FZD3: variants seen among roughly 807,000 people sequenced by gnomAD.
The protein encoded by FZD3 is frizzled-3.
In FZD3, 30 loss-of-function variants were observed where a neutral mutation model predicts 60.7. The ratio of observed to expected loss-of-function variants is 0.49; its 90% CI spans 0.37 to 0.67. FZD3 has a LOEUF of 0.67. Among genes scored for constraint, FZD3 ranks in the 30% least tolerant of loss-of-function variants. The pLI is 0.00. For missense variants in FZD3, 605 were observed against 838.7 expected, an observed-to-expected ratio of 0.72 and a Z score of 3.44; for synonymous variants, 246 against 275.2, an observed-to-expected ratio of 0.89 and a Z score of 1.05.
intron 3 of FZD3, among the ~76,000 whole-genome samples, chr8:28,511,939 C>T (rs1478379490): frequency 6.6e-6 from 1 of 152,134 alleles, no homozygotes; most frequent in Non-Finnish European, 1.5e-5. Context: ...AATTCATGAA[C>T]TTTATAAACC....
intron 5 of FZD3, chr8:28,530,325 C>T (rs1476613931): frequency 6.6e-6 from 1 of 152,024 alleles, no homozygotes; most frequent in Non-Finnish European, 1.5e-5. Context: ...TGCTTCAGTT[C>T]CTCATAGTAT....
At chr8:28,508,742 C>G (rs1360768738) in intron 3 of FZD3, among the ~76,000 whole-genome samples, 3 of 152,074 alleles carry the variant, frequency 2.0e-5, no homozygotes, top group African/African-American at 4.8e-5. Context: ...CAAGTTGAGT[C>G]TCAAACTTTT....
chr8:28,520,022 C>T (rs915636696), intron 3 of FZD3, among the ~76,000 whole-genome samples: 32 of 151,814 alleles, frequency 2.1e-4, no homozygotes, highest in Admixed American at 2.0e-3. Context: ...GCAGCCTGGC[C>T]AACATGGGGA....
At chr8:28,551,498 A>G in intron 5 of FZD3, 105 bp from the exon 6 acceptor site, 2 of 867,960 alleles carry the variant, frequency 2.3e-6, no homozygotes, top group Admixed American at 5.3e-5. Flanking sequence ...CCTGGGTGAC[A>G]AGAACAAAAC....
At chr8:28,523,136 C>G (rs1804629155) in intron 4 of FZD3, among the ~76,000 whole-genome samples, 1 of 152,214 alleles carries the variant, frequency 6.6e-6, no homozygotes, top group Non-Finnish European at 1.5e-5. Context: ...GCCTACTATA[C>G]TGGTTGCCTT....
At chr8:28,559,686 A>G (rs1805580542) in intron 7 of FZD3, among the ~76,000 whole-genome samples, 1 of 152,220 alleles carries the variant, frequency 6.6e-6, no homozygotes, top group African/African-American at 2.4e-5. Flanking sequence ...AGAGATTCCA[A>G]GACTGTGGTG....
At chr8:28,506,482 C>T (rs1474929092) in intron 3 of FZD3, among the ~76,000 whole-genome samples, 1 of 152,018 alleles carries the variant, frequency 6.6e-6, no homozygotes, top group African/African-American at 2.4e-5. Context: ...TGCCTGTCAC[C>T]CTGTTTTTTC....
chr8:28,503,933 G>A (rs1210570228), intron 3 of FZD3, among the ~76,000 whole-genome samples: 1 of 152,170 alleles, frequency 6.6e-6, no homozygotes, highest in Non-Finnish European at 1.5e-5. Flanking sequence ...GAAAATCCAT[G>A]TATAGTACTT....
At chr8:28,499,259 T>G (rs978661414) in intron 1 of FZD3, among the ~76,000 whole-genome samples, 2 of 152,232 alleles carry the variant, frequency 1.3e-5, no homozygotes, top group Admixed American at 1.3e-4. Context: ...AAATGAGAGA[T>G]ATATACATAT....
intron 7 of FZD3, among the ~76,000 whole-genome samples, chr8:28,556,980 G>A (rs1805520339): frequency 6.6e-6 from 1 of 152,178 alleles, no homozygotes; most frequent in Non-Finnish European, 1.5e-5. Context: ...TTTGAGAGAT[G>A]ATAAAGGCTT....
intron 3 of FZD3, among the ~76,000 whole-genome samples, chr8:28,519,183 A>G (rs1159528852): frequency 2.0e-5 from 3 of 152,230 alleles, no homozygotes; most frequent in African/African-American, 7.2e-5. Context: ...CCACATTTGA[A>G]AGGCCTGGTG....
rs529967958 is a variant in FZD3 at position 28,551,810 on chromosome 8, G to A, written c.1553+59G>A. On this transcript the variant is annotated intron_variant, in intron 6 of 7. Coordinates refer to ENST00000240093, the MANE Select transcript of FZD3 (RefSeq NM_017412.4). ...ACCTCACATTTACGTAAATTTTTTT[G>A]TGTTGCTTATGTTAAAATGACTTGG... is the stretch of plus-strand genomic sequence containing the variant. 12 of 1,358,220 alleles carry A rather than the reference G, an allele frequency of 8.8e-6. No individual in the cohort carries two copies. The South Asian group carries it at 9.0e-5, about 10-fold the overall frequency. 84.1% of individuals were successfully genotyped at this position (1,358,220 alleles called of 1,614,324 possible). A position where few individuals can be genotyped will look rare whatever the true frequency, so the allele number is the denominator to read the frequency against.
chr8:28,529,421 C>T (rs1804804000), intron 5 of FZD3, among the ~76,000 whole-genome samples: 1 of 152,062 alleles, frequency 6.6e-6, no homozygotes, highest in African/African-American at 2.4e-5. Flanking sequence ...GTCTGTTTCC[C>T]CTATTACTAT....
chr8:28,504,376 T>C (rs1260335031), intron 3 of FZD3, among the ~76,000 whole-genome samples: 1 of 152,206 alleles, frequency 6.6e-6, no homozygotes, highest in African/African-American at 2.4e-5. Flanking sequence ...AGTAAGTTGG[T>C]TCCAGGCATG....
At chr8:28,533,961 A>AG (rs1375055756) in intron 5 of FZD3, among the ~76,000 whole-genome samples, 1 of 34,440 alleles carries the variant, frequency 2.9e-5, no homozygotes, top group Non-Finnish European at 7.6e-5. Context: ...CAAAAAAGAT[A>AG]AAGTACTATA....
chr8:28,502,476 C>A (rs141762979), intron 2 of FZD3, among the ~76,000 whole-genome samples, 194 bp from the exon 3 acceptor site: 1 of 152,076 alleles, frequency 6.6e-6, no homozygotes, highest in African/African-American at 2.4e-5. Context: ...CATTTAAATG[C>A]TGTTTAAGGA....
At chr8:28,542,062 T>C (rs565604163) in intron 5 of FZD3, among the ~76,000 whole-genome samples, 1 of 150,898 alleles carries the variant, frequency 6.6e-6, no homozygotes, top group East Asian at 2.0e-4. Flanking sequence ...AACCCTCCAG[T>C]GGCTTCCTGT....
At chr8:28,515,017 T>C (rs776999783) in intron 3 of FZD3, among the ~76,000 whole-genome samples, 2 of 152,232 alleles carry the variant, frequency 1.3e-5, no homozygotes, top group Non-Finnish European at 2.9e-5. Context: ...GCCTTAATCT[T>C]GGGTCTATCT....
At position 28,573,223 on chromosome 8, in the gene FZD3, A is replaced by G. The variant is rs954383437; in HGVS notation, c.*10212A>G. The G allele has an allele frequency of 2.6e-5, 4 of 152,160 alleles. No homozygotes were observed. Among genetic ancestry groups the G allele is most frequent in the Non-Finnish European group, 5.9e-5 (4 of 68,006 alleles). The allele number at this position is 152,160 out of a possible 1,614,324, so 9.4% of individuals were successfully genotyped here. A position where few individuals can be genotyped will look rare whatever the true frequency, so the allele number is the denominator to read the frequency against. ...CAAAATATAACCTATCTCAAGTGTTAGAAATTTGCTTTAACTAATTTATAT... is the reference window on the plus strand; with the variant it reads ...CAAAATATAACCTATCTCAAGTGTTGGAAATTTGCTTTAACTAATTTATAT... On this transcript the variant is annotated 3_prime_UTR_variant, in exon 8 of 8. Transcript: ENST00000240093.
Sources: gnomAD v4.1 joint callset for allele counts (sites outside exome capture counted in the v4.1 genomes callset) on GRCh38, gnomAD v4.1.1 for gene constraint, MANE v1.5 for transcripts, NCBI Gene and HGNC (gene_info 2026-07-23, HGNC 2026-07-21) for gene names.